Variants in SPATA6L observed in about 807,000 individuals in gnomAD.
SPATA6L encodes spermatogenesis associated 6 like.
SPATA6L carries 68 observed loss-of-function variants against 49.2 expected under a neutral mutation model. The ratio of observed to expected loss-of-function variants is 1.38; its 90% CI spans 1.14 to 1.69. SPATA6L has a LOEUF of 1.69. Ranked by LOEUF, SPATA6L falls within the 40% of genes most tolerant of loss-of-function variation. SPATA6L has a pLI of 0.00. For synonymous variants in SPATA6L, 198 were observed against 165.7 expected, an observed-to-expected ratio of 1.19 and a Z score of -1.50; for missense variants, 668 against 464.3, an observed-to-expected ratio of 1.44 and a Z score of -4.03.
chr9:4,594,464 A>G (rs141293583), downstream of SPATA6L, among the ~76,000 whole-genome samples: 2,152 of 152,256 alleles, frequency 0.014, 40 homozygotes, highest in African/African-American at 0.048. Context: ...TGCCTGCCTC[A>G]GCCTCCCAAA....
chr9:4,644,183 C>CAAA lies in SPATA6L; in HGVS notation c.227-8787_227-8785dup, dbSNP rs58325546. On this transcript the variant is annotated intron_variant, in intron 3 of 11. Coordinates refer to ENST00000682582, the MANE Select transcript of SPATA6L (RefSeq NM_001353486.2). ...GCAACATAGTAAGATGCCATCTCTG[C>CAAA]AAAAAAAAAAAAAAAAAAAAAAAAA... Among the ~76,000 whole-genome samples the CAAA allele has an allele frequency of 6.6e-4, 30 of 45,712 alleles. 4 individuals carry two copies. Among genetic ancestry groups the CAAA allele is most frequent in the African/African-American group, 8.1e-4 (14 of 17,266 alleles). 30.0% of individuals were successfully genotyped at this position (45,712 alleles called of 152,430 possible). A position where few individuals can be genotyped will look rare whatever the true frequency, so the allele number is the denominator to read the frequency against.
chr9:4,618,956 C>T (rs1828643427), intron 7 of SPATA6L, 58 bp from the exon 8 acceptor site: 1 of 1,506,728 alleles, frequency 6.6e-7, no homozygotes, highest in East Asian at 2.3e-5. Context: ...AGCCTTAAAA[C>T]TGCCATTATA....
intron 4 of SPATA6L, among the ~76,000 whole-genome samples, chr9:4,629,670 T>C (rs1037857162): frequency 4.0e-5 from 6 of 151,462 alleles, no homozygotes; most frequent in Non-Finnish European, 8.8e-5. Context: ...TTAGATCTAA[T>C]TCCAAATTCA....
At chr9:4,593,639 C>G (rs753106994), downstream of SPATA6L, among the ~76,000 whole-genome samples, 1 of 152,330 alleles carries the variant, frequency 6.6e-6, no homozygotes, top group South Asian at 2.1e-4. Flanking sequence ...TCCTGAAACT[C>G]CGAGGTCATC....
At chr9:4,655,000 C>T (rs912740540) in intron 3 of SPATA6L, among the ~76,000 whole-genome samples, 1 of 152,206 alleles carries the variant, frequency 6.6e-6, no homozygotes, top group Non-Finnish European at 1.5e-5. Context: ...CTCTTCTCTT[C>T]CCAGCACTCC....
At chr9:4,647,018 C>T (rs140679127) in intron 3 of SPATA6L, among the ~76,000 whole-genome samples, 12 of 151,708 alleles carry the variant, frequency 7.9e-5, no homozygotes, top group Admixed American at 2.6e-4. Flanking sequence ...CCCCATGATA[C>T]GGGTTCACCT....
chr9:4,635,543 C>A (rs1204625058), intron 3 of SPATA6L, 144 bp from the exon 4 acceptor site: 2 of 689,568 alleles, frequency 2.9e-6, no homozygotes, highest in Non-Finnish European at 4.3e-6. Context: ...CAAGAGGAGA[C>A]TAATTTCTAC....
chr9:4,654,525 G>GT (rs1414588473), intron 3 of SPATA6L, among the ~76,000 whole-genome samples: 2 of 152,162 alleles, frequency 1.3e-5, no homozygotes, highest in African/African-American at 4.8e-5. Context: ...ATGTCGCAAG[G>GT]ACAGAGGGCT....
chr9:4,643,440 G>C (rs1176586360), intron 3 of SPATA6L, among the ~76,000 whole-genome samples: 1 of 152,102 alleles, frequency 6.6e-6, no homozygotes, highest in Non-Finnish European at 1.5e-5. Context: ...AAAAGGCATG[G>C]TTCAATCTAG....
chr9:4,605,422 C>G lies in SPATA6L; in HGVS notation c.1014G>C (p.Gln338His). Reference sequence around the variant, plus strand: ...TCTCATGGATATTCTTCCATGTGGACTGAGAACCAGGATGGAACCTGCTCA... The same window carrying G: ...TCTCATGGATATTCTTCCATGTGGAGTGAGAACCAGGATGGAACCTGCTCA... Reference protein sequence around the residue: ...LLRERFHPGSQSTWKNIHERV... With the variant: ...LLRERFHPGSHSTWKNIHERV... Residue 338 changes from glutamine (Q) to histidine (H), a missense_variant, in exon 10 of 12, where the codon CAG becomes CAC. By Grantham distance (24) the Gln-to-His change is conservative. Coordinates refer to ENST00000682582, the MANE Select transcript of SPATA6L (RefSeq NM_001353486.2). The G allele has an allele frequency of 1.2e-6, 2 of 1,613,936 alleles. No individual in the cohort carries two copies. Among genetic ancestry groups the G allele is most frequent in the Non-Finnish European group, 1.7e-6 (2 of 1,179,878 alleles).
intron 3 of SPATA6L, among the ~76,000 whole-genome samples, chr9:4,648,841 C>T (rs1304887961): frequency 6.6e-6 from 1 of 152,146 alleles, no homozygotes; most frequent in Non-Finnish European, 1.5e-5. Context: ...ACCCTTTCCC[C>T]CTGAGTCCCC....
Position 4,622,466 on chromosome 9 carries a change from A to G in SPATA6L, c.714T>C (p.His238=), listed in dbSNP as rs747711604. The G allele has an allele frequency of 5.6e-6, 9 of 1,613,880 alleles. No individual in the cohort carries two copies. The Admixed American group carries it at 1.5e-4, about 27-fold the overall frequency. ...KPFGENISEH[H]LRRSRRKSKF... ...TAGATTTTCTTCTAGACCTCCTCAA[A>G]TGATGCTCTGAAATATTCTCACCAA... Residue 238 remains histidine, a synonymous_variant, in exon 7 of 12, where the codon CAT becomes CAC. Coordinates refer to ENST00000682582, the MANE Select transcript of SPATA6L (RefSeq NM_001353486.2).
Position 4,625,336 on chromosome 9 carries a change from A to C in SPATA6L, c.660T>G (p.Val220=), listed in dbSNP as rs752451144. The change falls in exon 6 of 12, where the codon GTT becomes GTG. Residue 220 remains valine (V), a synonymous_variant. Transcript: ENST00000682582. ...ATAATTTTAGGCTCACGTGTCTAAC[A>C]ACAAATGGAGGCTTGCTTCCTCCAG... The part of the protein sequence containing the change: ...KISGGSKPPF[V]VRHVDSAKPF... The C allele has an allele frequency of 6.2e-7, 1 of 1,613,144 alleles. No homozygotes were observed. Among genetic ancestry groups the C allele is most frequent in the Non-Finnish European group, 8.5e-7 (1 of 1,179,590 alleles).
At chr9:4,653,979 T>C (rs550209707) in intron 3 of SPATA6L, among the ~76,000 whole-genome samples, 1 of 152,152 alleles carries the variant, frequency 6.6e-6, no homozygotes, top group East Asian at 1.9e-4. Context: ...CATTAAAAAG[T>C]AGGCAAAGGA....
In SPATA6L at chr9:4,666,103, T is replaced by G. The variant is rs536496463; in HGVS notation, c.39+109A>C. ...AGGTGCGATCTGTCCCAGAAGATAA[T>G]GATGTGTTTGTGGTAAGTGGGGGAT... On this transcript the variant is annotated intron_variant, in intron 1 of 11. Coordinates refer to ENST00000682582, the MANE Select transcript of SPATA6L (RefSeq NM_001353486.2). 6.3e-6 allele frequency: 6 copies of G among 951,644 alleles called. No homozygotes were observed. In the East Asian group the frequency reaches 1.4e-4, roughly 23 times the overall value. 59.0% of individuals were successfully genotyped at this position (951,644 alleles called of 1,614,324 possible).
downstream of SPATA6L, among the ~76,000 whole-genome samples, chr9:4,594,720 T>A (rs1271563205): frequency 6.6e-6 from 1 of 152,158 alleles, no homozygotes; most frequent in African/African-American, 2.4e-5. Flanking sequence ...ACCCAAGACT[T>A]AGCCTCTGTC....
chr9:4,638,135 T>C (rs1285047409), intron 3 of SPATA6L, among the ~76,000 whole-genome samples: 2 of 152,126 alleles, frequency 1.3e-5, no homozygotes, highest in Non-Finnish European at 2.9e-5. Flanking sequence ...AAAATTAATT[T>C]CCATAAGAGT....
intron 7 of SPATA6L, 116 bp downstream of exon 7, chr9:4,622,292 G>C (rs1829498660): frequency 3.0e-6 from 2 of 674,374 alleles, no homozygotes; most frequent in Non-Finnish European, 5.1e-6. Context: ...GAGAGTACTT[G>C]AGAATTAGGC....
intron 2 of SPATA6L, 122 bp from the exon 3 acceptor site, chr9:4,656,211 G>T: frequency 1.4e-6 from 1 of 713,192 alleles, no homozygotes; most frequent in Non-Finnish European, 2.4e-6. Context: ...GGCCGAGGTG[G>T]GTGTATTGCT....
Sources: allele counts gnomAD v4.1 joint callset (sites outside exome capture counted in the v4.1 genomes callset), GRCh38; gene constraint gnomAD v4.1.1; transcripts MANE v1.5; gene names NCBI Gene and HGNC (gene_info 2026-07-23, HGNC 2026-07-21).